The following KCNAB1 variants were observed in gnomAD, a reference collection of about 807,000 sequenced individuals.
KCNAB1 encodes the protein potassium voltage-gated channel subfamily A regulatory beta subunit 1, also known as voltage-gated potassium channel subunit beta-1.
A neutral mutation model predicts 64.6 loss-of-function variants in KCNAB1; 35 were observed. The observed-to-expected ratio is 0.54, with a 90% CI of 0.41 to 0.72. KCNAB1 has a LOEUF of 0.72. Among genes scored for constraint, KCNAB1 ranks in the 30% least tolerant of loss-of-function variants. The pLI is 0.00. For missense variants in KCNAB1, 401 were observed against 512.9 expected (o/e 0.78, Z 2.11); for synonymous variants, 177 against 183.8 (o/e 0.96, Z 0.30).
intron 1 of KCNAB1, among the ~76,000 whole-genome samples, chr3:156,147,225 T>C (rs1472753451): frequency 3.3e-5 from 5 of 152,172 alleles, no homozygotes; most frequent in Non-Finnish European, 7.4e-5. Flanking sequence ...TACAGGGTCC[T>C]TGAGTTAGAG....
At chr3:156,146,206 A>G (rs955102222) in intron 1 of KCNAB1, among the ~76,000 whole-genome samples, 2 of 152,228 alleles carry the variant, frequency 1.3e-5, no homozygotes, top group Non-Finnish European at 2.9e-5. Context: ...AAACTGGAGG[A>G]CATTGAATGT....
chr3:156,461,332 T>C (rs1712894575), intron 5 of KCNAB1, among the ~76,000 whole-genome samples: 1 of 152,326 alleles, frequency 6.6e-6, no homozygotes, highest in South Asian at 2.1e-4. Flanking sequence ...CTTCCTTGCT[T>C]CCTCTTAGCT....
At chr3:156,173,559 A>C (rs1012515844) in intron 1 of KCNAB1, among the ~76,000 whole-genome samples, 1 of 152,198 alleles carries the variant, frequency 6.6e-6, no homozygotes, top group Non-Finnish European at 1.5e-5. Flanking sequence ...TGTCAGTGGG[A>C]GTCTCAGTCA....
chr3:156,470,440 G>T (rs1713801494), intron 7 of KCNAB1, among the ~76,000 whole-genome samples: 1 of 152,236 alleles, frequency 6.6e-6, no homozygotes, highest in Admixed American at 6.5e-5. Flanking sequence ...AGGATGGCTT[G>T]AGGCCAGGAG....
At chr3:156,380,849 T>C (rs1351987699) in intron 1 of KCNAB1, among the ~76,000 whole-genome samples, 1 of 152,170 alleles carries the variant, frequency 6.6e-6, no homozygotes, top group Non-Finnish European at 1.5e-5. Flanking sequence ...TATAGTCTGC[T>C]GAGGGAGACA....
At chr3:156,419,204 A>C (rs1715293333) in intron 1 of KCNAB1, among the ~76,000 whole-genome samples, 1 of 152,216 alleles carries the variant, frequency 6.6e-6, no homozygotes, top group Admixed American at 6.5e-5. Context: ...TGAGTTTGTT[A>C]GAACAATCTC....
At chr3:156,182,695 A>ATTTTTTTTTTTTTTTTTTTT (rs10624040) in intron 1 of KCNAB1, among the ~76,000 whole-genome samples, 47 of 132,692 alleles carry the variant, frequency 3.5e-4, no homozygotes, top group South Asian at 7.3e-4. Context: ...AAGTAAGACA[A>ATTTTTTTTTTTTTTTTTTTT]TTTTTTTTTT....
chr3:156,376,474 A>C (rs1576790742), intron 1 of KCNAB1, among the ~76,000 whole-genome samples: 1 of 152,236 alleles, frequency 6.6e-6, no homozygotes, highest in East Asian at 1.9e-4. Context: ...AATGAGGGCA[A>C]GGCCAACACT....
intron 1 of KCNAB1, among the ~76,000 whole-genome samples, chr3:156,165,274 T>C (rs1393422841): frequency 1.0e-4 from 8 of 76,404 alleles, no homozygotes; most frequent in Admixed American, 8.2e-4. Flanking sequence ...CGAGACTCCG[T>C]CTCAAAAAAA....
At chr3:156,412,603 G>A (rs1337842349) in intron 1 of KCNAB1, among the ~76,000 whole-genome samples, 5 of 152,164 alleles carry the variant, frequency 3.3e-5, no homozygotes. Flanking sequence ...GTCTACAATC[G>A]AGTACTTTGC....
chr3:156,408,071 T>A (rs1432113180), intron 1 of KCNAB1, among the ~76,000 whole-genome samples: 1 of 150,300 alleles, frequency 6.7e-6, no homozygotes, highest in Non-Finnish European at 1.5e-5. Context: ...TGGCGGGCGG[T>A]GGTGGCGGGA....
chr3:156,390,381 T>C (rs1243065720), intron 1 of KCNAB1, among the ~76,000 whole-genome samples: 2 of 152,188 alleles, frequency 1.3e-5, no homozygotes, highest in East Asian at 3.9e-4. Context: ...TATGGCAACA[T>C]ACTCATGACT....
chr3:156,442,492 C>G (rs1246422434), intron 2 of KCNAB1, among the ~76,000 whole-genome samples: 2 of 152,164 alleles, frequency 1.3e-5, no homozygotes, highest in Non-Finnish European at 2.9e-5. Flanking sequence ...TAACAGTATT[C>G]CTTGGCACTG....
intron 8 of KCNAB1, among the ~76,000 whole-genome samples, chr3:156,498,879 A>G (rs1716189438): frequency 6.6e-6 from 1 of 152,242 alleles, no homozygotes; most frequent in African/African-American, 2.4e-5. Flanking sequence ...GAAGAATTGT[A>G]ACAGGGGATA....
At chr3:156,170,298 A>G (rs1206670328) in intron 1 of KCNAB1, among the ~76,000 whole-genome samples, 1 of 150,572 alleles carries the variant, frequency 6.6e-6, no homozygotes, top group East Asian at 1.9e-4. Context: ...TTATGAAGTC[A>G]TAGAGAAAGC....
At chr3:156,124,663 T>C (rs1337658600) in intron 1 of KCNAB1, among the ~76,000 whole-genome samples, 1 of 152,210 alleles carries the variant, frequency 6.6e-6, no homozygotes, top group East Asian at 1.9e-4. Context: ...AACATTTTTC[T>C]CATTATACCT....
At chr3:156,400,330 G>A (rs536515588) in intron 1 of KCNAB1, among the ~76,000 whole-genome samples, 5 of 152,160 alleles carry the variant, frequency 3.3e-5, no homozygotes, top group African/African-American at 1.2e-4. Flanking sequence ...AGGTTCCTTA[G>A]AGAGAAAAAG....
chr3:156,271,221 T>C (rs761705000), intron 1 of KCNAB1, among the ~76,000 whole-genome samples: 8 of 152,208 alleles, frequency 5.3e-5, no homozygotes, highest in Non-Finnish European at 1.0e-4. Context: ...TGAGTATTGA[T>C]ATCTCTCTCT....
intron 1 of KCNAB1, among the ~76,000 whole-genome samples, chr3:156,179,105 A>C (rs1478685562): frequency 6.6e-6 from 1 of 152,008 alleles, no homozygotes; most frequent in Non-Finnish European, 1.5e-5. Flanking sequence ...TCACCAATAT[A>C]ATATTATATA....
Sources: gnomAD v4.1 joint callset for allele counts (sites outside exome capture counted in the v4.1 genomes callset) on GRCh38, gnomAD v4.1.1 for gene constraint, MANE v1.5 for transcripts, NCBI Gene and HGNC (gene_info 2026-07-23, HGNC 2026-07-21) for gene names.